The following GNA14 variants were observed in gnomAD, a reference collection of about 807,000 sequenced individuals.
The protein encoded by GNA14 is guanine nucleotide-binding protein subunit alpha-14.
A neutral mutation model predicts 42.0 loss-of-function variants in GNA14; 50 were observed. That is an observed-to-expected ratio of 1.19 (90% CI 0.95 to 1.51). The LOEUF (loss-of-function observed/expected upper bound fraction) is 1.51, where lower values mean the gene tolerates loss of function less well. Among genes scored for constraint, GNA14 ranks in the 40% most tolerant of loss-of-function variants. The pLI, the probability that GNA14 is intolerant of heterozygous loss-of-function variation, is 0.00. For missense variants in GNA14, 473 were observed against 446.2 expected, an observed-to-expected ratio of 1.06 and a Z score of -0.54; for synonymous variants, 173 against 163.1, an observed-to-expected ratio of 1.06 and a Z score of -0.46.
rs572044168 is a variant in GNA14 at position 77,600,161 on chromosome 9, T to C, written c.124+47509A>G. Among the ~76,000 whole-genome samples, 20 of 152,316 alleles carry C rather than the reference T, an allele frequency of 1.3e-4. No individual in the cohort carries two copies. In the East Asian group the frequency reaches 2.9e-3, roughly 22 times the overall value. ...TTGTTTGAGGGCCTTTTCACAACTC[T>C]CTGGTTAAAAATGTATTGGAAGCCC... On this transcript the variant is annotated intron_variant, in intron 1 of 6. Coordinates refer to ENST00000341700, the MANE Select transcript of GNA14 (RefSeq NM_004297.4).
chr9:77,527,714 ACCT>A (rs1178258454), intron 2 of GNA14, among the ~76,000 whole-genome samples: 4 of 152,026 alleles, frequency 2.6e-5, no homozygotes, highest in Non-Finnish European at 5.9e-5. Flanking sequence ...GCTTACTGCA[ACCT>A]CCACCTCCCA....
At chr9:77,618,217 T>G (rs1035547799) in intron 1 of GNA14, among the ~76,000 whole-genome samples, 59 of 152,150 alleles carry the variant, frequency 3.9e-4, no homozygotes, top group African/African-American at 1.4e-3. Flanking sequence ...ACACATTCTC[T>G]TGACACTGCT....
At chr9:77,448,473 G>A (rs557393166) in intron 2 of GNA14, among the ~76,000 whole-genome samples, 106 of 152,322 alleles carry the variant, frequency 7.0e-4, no homozygotes, top group African/African-American at 2.5e-3. Flanking sequence ...TGTGTTCTGA[G>A]CGCATTTAGC....
chr9:77,471,142 A>T (rs1347142785), intron 2 of GNA14, among the ~76,000 whole-genome samples: 1 of 152,178 alleles, frequency 6.6e-6, no homozygotes, highest in East Asian at 1.9e-4. Flanking sequence ...TAAGAATGTG[A>T]AGGGACAATA....
intron 1 of GNA14, among the ~76,000 whole-genome samples, chr9:77,572,301 T>C (rs746361291): frequency 1.2e-4 from 18 of 152,192 alleles, no homozygotes; most frequent in Non-Finnish European, 4.4e-5. Context: ...AATTATAAAA[T>C]GCATCAATGG....
chr9:77,428,995 C>T lies in GNA14; in HGVS notation c.635G>A (p.Trp212Ter). 1 of 1,613,900 alleles carries T rather than the reference C, an allele frequency of 6.2e-7. No individual in the cohort carries two copies. The highest frequency in any genetic ancestry group is 8.5e-7 in the Non-Finnish European group (1 of 1,179,786). The change falls in exon 5 of 7, where the codon TGG (tryptophan) becomes TAG (stop). Residue 212 changes from tryptophan to a stop codon, truncating the protein, a stop_gained. Coordinates refer to ENST00000341700, the MANE Select transcript of GNA14 (RefSeq NM_004297.4). LOFTEE classifies it high-confidence loss of function. Reference protein sequence around the residue: ...VGGQRSERRKWIHCFESVTSI... With the variant: ...VGGQRSERRK ...GGTGACACTCTCAAAGCAGTGAATC[C>T]ACTTCCGTCTTTCCGATCGTTGGCC...
chr9:77,436,992 G>A (rs1262977337), intron 2 of GNA14, among the ~76,000 whole-genome samples: 4 of 152,212 alleles, frequency 2.6e-5, no homozygotes, highest in Admixed American at 2.6e-4. Context: ...AGGAGGAGAT[G>A]CTCAGGCAAC....
chr9:77,477,631 T>C (rs1320341196), intron 2 of GNA14, among the ~76,000 whole-genome samples: 4 of 152,222 alleles, frequency 2.6e-5, no homozygotes, highest in Non-Finnish European at 4.4e-5. Context: ...ACAGTCAAAG[T>C]TAGCAGGCAG....
chr9:77,630,608 T>C (rs978480816), intron 1 of GNA14, among the ~76,000 whole-genome samples: 54 of 152,292 alleles, frequency 3.5e-4, no homozygotes, highest in African/African-American at 1.3e-3. Context: ...AAACAGTAAA[T>C]TGAAACCTAA....
intron 4 of GNA14, among the ~76,000 whole-genome samples, chr9:77,429,293 C>T (rs545332491): frequency 7.2e-5 from 11 of 152,292 alleles, no homozygotes; most frequent in South Asian, 2.1e-4. Flanking sequence ...GGGAGCCTGC[C>T]GGTTAGGAAG....
intron 1 of GNA14, among the ~76,000 whole-genome samples, chr9:77,640,761 A>G (rs1036753266): frequency 2.7e-5 from 4 of 150,902 alleles, no homozygotes; most frequent in African/African-American, 9.8e-5. Context: ...CAGTTCTCCA[A>G]TAAAAGGAAG....
At chr9:77,510,712 C>A (rs1203836382) in intron 2 of GNA14, among the ~76,000 whole-genome samples, 1 of 152,212 alleles carries the variant, frequency 6.6e-6, no homozygotes, top group Non-Finnish European at 1.5e-5. Flanking sequence ...ACCCAAGATG[C>A]CCCTGGGAGA....
chr9:77,499,438 C>T (rs1306690556), intron 2 of GNA14, among the ~76,000 whole-genome samples: 1 of 151,250 alleles, frequency 6.6e-6, no homozygotes, highest in African/African-American at 2.4e-5. Context: ...GAATATGGTA[C>T]CTTTTCCATC....
intron 1 of GNA14, among the ~76,000 whole-genome samples, chr9:77,616,751 T>C (rs60661060): frequency 0.028 from 4,221 of 152,308 alleles, 172 homozygotes; most frequent in African/African-American, 0.084. Flanking sequence ...GCCTCATCCT[T>C]ATCCTGAGTC....
intron 1 of GNA14, chr9:77,580,544 AC>A: frequency 2.1e-6 from 1 of 487,452 alleles, no homozygotes; most frequent in Non-Finnish European, 4.0e-6. Flanking sequence ...ATCGGGTTCC[AC>A]CAGATGTTCC....
intron 2 of GNA14, among the ~76,000 whole-genome samples, chr9:77,496,712 T>C (rs1836876562): frequency 6.6e-6 from 1 of 152,218 alleles, no homozygotes; most frequent in South Asian, 2.1e-4. Context: ...AAGTGACATT[T>C]GAACTCGACC....
chr9:77,621,937 T>C (rs1823930561), intron 1 of GNA14, among the ~76,000 whole-genome samples: 2 of 152,156 alleles, frequency 1.3e-5, no homozygotes, highest in Admixed American at 1.3e-4. Flanking sequence ...TTCATTTTCT[T>C]TTTATTAAGA....
chr9:77,488,010 C>A (rs940175845), intron 2 of GNA14, among the ~76,000 whole-genome samples: 1 of 151,630 alleles, frequency 6.6e-6, no homozygotes, highest in African/African-American at 2.4e-5. Flanking sequence ...CTAAAAAGGT[C>A]ATTGATAATG....
At chr9:77,441,775 CT>C (rs1182903912) in intron 2 of GNA14, among the ~76,000 whole-genome samples, 3 of 152,132 alleles carry the variant, frequency 2.0e-5, no homozygotes, top group Non-Finnish European at 2.9e-5. Flanking sequence ...AAAATCACCC[CT>C]CTTTAACAAC....
Sources: gnomAD v4.1 joint callset for allele counts (sites outside exome capture counted in the v4.1 genomes callset) on GRCh38, gnomAD v4.1.1 for gene constraint, MANE v1.5 for transcripts, NCBI Gene and HGNC (gene_info 2026-07-23, HGNC 2026-07-21) for gene names.